Variants in PCDH10 observed in about 807,000 individuals in gnomAD.
The protein encoded by PCDH10 is protocadherin-10.
In PCDH10, 15 loss-of-function variants were observed where a neutral mutation model predicts 74.4. The observed-to-expected ratio is 0.20, with a 90% CI of 0.13 to 0.31. The LOEUF (loss-of-function observed/expected upper bound fraction) is 0.31. Among genes scored for constraint, PCDH10 ranks in the 10% least tolerant of loss-of-function variants. The pLI, the probability that PCDH10 is intolerant of heterozygous loss-of-function variation, is 1.00. For missense variants in PCDH10, 1,260 were observed against 1,390.2 expected, an observed-to-expected ratio of 0.91 and a Z score of 1.49; for synonymous variants, 619 against 589.8, an observed-to-expected ratio of 1.05 and a Z score of -0.72.
rs535858980 is a variant in PCDH10, at chr4:133,152,094, C to A, written c.1954C>A (p.Arg652=). 1.3e-5 allele frequency: 20 copies of A among 1,591,430 alleles called. No individual in the cohort carries two copies. The highest frequency in any genetic ancestry group is 2.2e-5 in the East Asian group (1 of 44,720). Residue 652 remains arginine (R), a synonymous_variant, in exon 1 of 5, where the codon CGG becomes AGG. Coordinates refer to ENST00000264360, the MANE Select transcript of PCDH10 (RefSeq NM_032961.3). ...AGTCCCGGCCAAGCGCGACCCCCAG[C>A]GGCCTTATGAGCTGGTGATCGAGGT... The part of the protein sequence containing the change: ...RRVPAKRDPQ[R]PYELVIEVRD...
chr4:133,172,131 A>G (rs748620636), intron 4 of PCDH10, among the ~76,000 whole-genome samples: 1 of 152,046 alleles, frequency 6.6e-6, no homozygotes, highest in African/African-American at 2.4e-5. Flanking sequence ...CTCTTGACCA[A>G]ACATGTTTCA....
At chr4:133,189,552 C>T (rs1727614011) in intron 4 of PCDH10, among the ~76,000 whole-genome samples, 2 of 151,672 alleles carry the variant, frequency 1.3e-5, no homozygotes, top group Non-Finnish European at 2.9e-5. Flanking sequence ...AATGGATTCT[C>T]ATAGTAAGAA....
chr4:133,174,712 G>A (rs1205018381), intron 4 of PCDH10, among the ~76,000 whole-genome samples: 1 of 151,254 alleles, frequency 6.6e-6, no homozygotes, highest in African/African-American at 2.4e-5. Context: ...TGATGGATTA[G>A]AGTGAATTCT....
At chr4:133,159,102 A>T (rs964628345) in intron 3 of PCDH10, among the ~76,000 whole-genome samples, 1 of 152,072 alleles carries the variant, frequency 6.6e-6, no homozygotes. Flanking sequence ...AAAGTTTTAT[A>T]TCTTCTTTAA....
chr4:133,202,098 G>C (rs1159285305), intron 2 of PCDH10, among the ~76,000 whole-genome samples: 1 of 152,086 alleles, frequency 6.6e-6, no homozygotes, highest in Non-Finnish European at 1.5e-5. Flanking sequence ...CTATGCAGTG[G>C]AAGAAACTCC....
intron 3 of PCDH10, among the ~76,000 whole-genome samples, chr4:133,160,638 T>C (rs571401992): frequency 6.6e-6 from 1 of 150,458 alleles, no homozygotes; most frequent in Non-Finnish European, 1.5e-5. Flanking sequence ...CATACTAGAT[T>C]ATTAAAATTA....
chr4:133,187,249 G>A (rs1264328824), intron 4 of PCDH10, among the ~76,000 whole-genome samples: 1 of 152,054 alleles, frequency 6.6e-6, no homozygotes, highest in Non-Finnish European at 1.5e-5. Context: ...CATGCACAGA[G>A]TACTGCCTTG....
chr4:133,156,349 A>C (rs965708945), intron 3 of PCDH10, among the ~76,000 whole-genome samples: 1 of 152,226 alleles, frequency 6.6e-6, no homozygotes, highest in African/African-American at 2.4e-5. Flanking sequence ...GTGAGTCATT[A>C]ATATGCAGGC....
intron 4 of PCDH10, among the ~76,000 whole-genome samples, chr4:133,168,020 G>A (rs1727121927): frequency 6.6e-6 from 1 of 150,770 alleles, no homozygotes; most frequent in Non-Finnish European, 1.5e-5. Context: ...ATTGTATTTG[G>A]TGAATTTTAT....
At chr4:133,182,704 A>G (rs1727442323) in intron 4 of PCDH10, among the ~76,000 whole-genome samples, 1 of 152,098 alleles carries the variant, frequency 6.6e-6, no homozygotes, top group African/African-American at 2.4e-5. Context: ...CATCTGAAAA[A>G]TAATTCAGTC....
In PCDH10 at chr4:133,150,077, G is replaced by C; in HGVS notation, c.-64G>C. 1 of 1,435,464 alleles carries C rather than the reference G, an allele frequency of 7.0e-7. No homozygotes were observed. Among genetic ancestry groups the C allele is most frequent in the Non-Finnish European group, 9.2e-7 (1 of 1,090,752 alleles). 88.9% of individuals were successfully genotyped at this position (1,435,464 alleles called of 1,614,324 possible). The stretch of plus-strand genomic sequence containing the variant: ...TTTTTCAGATTTTTTTTTGTTTCGT[G>C]GTGGTGGGGGAGGTGATTGGGTGGC... On this transcript the variant is annotated 5_prime_UTR_variant, in exon 1 of 5. Transcript: ENST00000264360.
chr4:133,152,940 T>C, intron 1 of PCDH10, 169 bp downstream of exon 1: 1 of 1,452,854 alleles, frequency 6.9e-7, no homozygotes. Flanking sequence ...CCTTCGTGTG[T>C]AACCTAACTT....
intron 3 of PCDH10, among the ~76,000 whole-genome samples, chr4:133,156,457 C>T (rs1726866153): frequency 6.6e-6 from 1 of 152,222 alleles, no homozygotes; most frequent in South Asian, 2.1e-4. Flanking sequence ...TGTCTGGGAA[C>T]CTGACAACAA....
chr4:133,185,245 A>C (rs2125872009), intron 4 of PCDH10, among the ~76,000 whole-genome samples: 1 of 150,682 alleles, frequency 6.6e-6, no homozygotes, highest in Non-Finnish European at 1.5e-5. Context: ...AGAGAAAGAT[A>C]TGATTTAAAA....
intron 4 of PCDH10, among the ~76,000 whole-genome samples, chr4:133,185,719 G>C (rs1337937314): frequency 6.6e-6 from 1 of 152,088 alleles, no homozygotes; most frequent in African/African-American, 2.4e-5. Flanking sequence ...GTAGTGGAGA[G>C]TCTCAGGCAT....
intron 4 of PCDH10, among the ~76,000 whole-genome samples, chr4:133,167,819 T>G (rs1727118553): frequency 6.6e-6 from 1 of 151,416 alleles, no homozygotes; most frequent in Non-Finnish European, 1.5e-5. Flanking sequence ...TCATTATATT[T>G]TTTTCATTAA....
In PCDH10 at chr4:133,192,108, T is replaced by C. The variant is rs1485327464; in HGVS notation, c.*1948T>C. Reference sequence around the variant, plus strand: ...AATCAGTTCATATATCAAAATAATGTATGTAATGTTCCAGCCTTTTGAAGT... The same window carrying C: ...AATCAGTTCATATATCAAAATAATGCATGTAATGTTCCAGCCTTTTGAAGT... On this transcript the variant is annotated 3_prime_UTR_variant, in exon 5 of 5. Coordinates refer to ENST00000264360, the MANE Select transcript of PCDH10 (RefSeq NM_032961.3). The C allele has an allele frequency of 6.6e-6, 1 of 151,602 alleles. No homozygotes were observed. Among genetic ancestry groups the C allele is most frequent in the African/African-American group, 2.4e-5 (1 of 41,390 alleles). The allele number at this position is 151,602 out of a possible 1,614,324, so 9.4% of individuals were successfully genotyped here.
rs961111620 is a variant in PCDH10, at chr4:133,163,982, A to G, written c.3103+700A>G. The G allele has an allele frequency of 3.1e-5, 14 of 453,528 alleles. 2 individuals carry two copies. The highest frequency in any genetic ancestry group is 2.2e-4 in the South Asian group (14 of 63,806). 28.1% of individuals were successfully genotyped at this position (453,528 alleles called of 1,614,324 possible). A position where few individuals can be genotyped will look rare whatever the true frequency, so the allele number is the denominator to read the frequency against. On this transcript the variant is annotated intron_variant, in intron 4 of 4. Transcript: ENST00000264360. ...AGGTTGTGGCTATTAACCTGGACAT[A>G]GATAAAGCAAATAGACAAGTGTTAT...
rs142202092 is a variant in PCDH10, at chr4:133,163,070, G to T, written c.2891G>T (p.Arg964Leu). The T allele has an allele frequency of 4.8e-5, 77 of 1,614,066 alleles. No individual in the cohort carries two copies. The African/African-American group carries it at 8.4e-4, about 18-fold the overall frequency. Reference protein sequence around the residue: ...WMPSFVPSDGRQAADYRSNLH... With the variant: ...WMPSFVPSDGLQAADYRSNLH... Reference sequence around the variant, plus strand: ...CCTTCTTTTGTCCCTTCTGATGGACGCCAGGCTGCTGATTATCGCAGCAAT... The same window carrying T: ...CCTTCTTTTGTCCCTTCTGATGGACTCCAGGCTGCTGATTATCGCAGCAAT... Residue 964 changes from arginine to leucine, a missense_variant, in exon 4 of 5, where the codon CGC (arginine) becomes CTC (leucine). Transcript: ENST00000264360.
Sources: allele counts gnomAD v4.1 joint callset (sites outside exome capture counted in the v4.1 genomes callset), GRCh38; gene constraint gnomAD v4.1.1; transcripts MANE v1.5; gene names NCBI Gene and HGNC (gene_info 2026-07-23, HGNC 2026-07-21).